The following ARMC2 variants were observed in gnomAD, a reference collection of about 807,000 sequenced individuals.
ARMC2 encodes armadillo repeat-containing protein 2.
A neutral mutation model predicts 90.3 loss-of-function variants in ARMC2; 67 were observed. The observed-to-expected ratio is 0.74, with a 90% CI of 0.61 to 0.91. The LOEUF (loss-of-function observed/expected upper bound fraction) is 0.91, where lower values mean the gene tolerates loss of function less well. Among genes scored for constraint, ARMC2 ranks in the 40% least tolerant of loss-of-function variants. The probability of loss-of-function intolerance (pLI) is 0.00; values close to 1 mark genes in which losing one functional copy is unlikely to be tolerated. For missense variants in ARMC2, 920 were observed against 1,030.9 expected (o/e 0.89, Z 1.47); for synonymous variants, 393 against 393.0 (o/e 1.00, Z 0.00).
intron 3 of ARMC2, among the ~76,000 whole-genome samples, chr6:108,859,842 T>C (rs1775030128): frequency 6.6e-6 from 1 of 152,090 alleles, no homozygotes; most frequent in South Asian, 2.1e-4. Context: ...CTGTCTCTAC[T>C]AAAAATACAA....
chr6:109,004,996 C>T, the ARMC2 span, among the ~76,000 whole-genome samples: 1 of 152,116 alleles, frequency 6.6e-6, no homozygotes, highest in Admixed American at 6.6e-5. Flanking sequence ...TTACTACAAC[C>T]GCTAGGAAGG....
chr6:108,894,682 C>A, intron 6 of ARMC2, 139 bp downstream of exon 6: 12 of 580,882 alleles, frequency 2.1e-5, no homozygotes, highest in East Asian at 8.7e-5. Flanking sequence ...TATTTTTATA[C>A]ATTTTTATTA....
At chr6:108,862,058 A>C (rs1775299019) in intron 3 of ARMC2, among the ~76,000 whole-genome samples, 1 of 152,160 alleles carries the variant, frequency 6.6e-6, no homozygotes, top group South Asian at 2.1e-4. Flanking sequence ...CAGTAAAAGT[A>C]GACGGCTAGG....
the ARMC2 span, among the ~76,000 whole-genome samples, chr6:108,984,926 A>C: frequency 3.9e-5 from 6 of 152,124 alleles, no homozygotes; most frequent in Non-Finnish European, 7.3e-5. Context: ...TAGAGTTCTC[A>C]CAAAGATATT....
At chr6:108,890,930 A>G (rs1016257206) in intron 5 of ARMC2, among the ~76,000 whole-genome samples, 1 of 29,982 alleles carries the variant, frequency 3.3e-5, no homozygotes, top group African/African-American at 1.3e-4. Flanking sequence ...GACAGGCCCC[A>G]GTGTGTGATG....
the ARMC2 span, chr6:108,998,481 T>G: frequency 6.2e-7 from 1 of 1,611,130 alleles, no homozygotes; most frequent in South Asian, 1.1e-5. Context: ...TGTGATTAGT[T>G]TTATGACAAT....
At chr6:108,907,726 G>A (rs1772930081) in intron 8 of ARMC2, 1 of 1,609,438 alleles carries the variant, frequency 6.2e-7, no homozygotes, top group African/African-American at 1.3e-5. Context: ...TCTTCACATT[G>A]ATGTACTTGT....
the ARMC2 span, among the ~76,000 whole-genome samples, chr6:108,979,508 C>G: frequency 1.3e-5 from 2 of 151,990 alleles, no homozygotes; most frequent in African/African-American, 4.8e-5. Context: ...TTGTGGTGCT[C>G]TCTGTATTTC....
chr6:108,973,837 T>C lies in ARMC2; in HGVS notation c.*323T>C, dbSNP rs3734651. 0.17 allele frequency: 35,724 copies of C among 212,114 alleles called. 3,401 individuals are homozygous for C. The highest frequency in any genetic ancestry group is 0.27 in the African/African-American group (11,858 of 43,394). The allele number at this position is 212,114 out of a possible 1,614,324, so 13.1% of individuals were successfully genotyped here. A position where few individuals can be genotyped will look rare whatever the true frequency, so the allele number is the denominator to read the frequency against. ...AAATCTTGATTTAACAATTTTGGAA[T>C]TGAAGTGTTCATAAGTTAAATGAAC... On this transcript the variant is annotated 3_prime_UTR_variant, in exon 18 of 18. Coordinates refer to ENST00000392644, the MANE Select transcript of ARMC2 (RefSeq NM_032131.6).
At chr6:108,979,998 T>A in the ARMC2 span, among the ~76,000 whole-genome samples, 1 of 152,036 alleles carries the variant, frequency 6.6e-6, no homozygotes, top group Admixed American at 6.5e-5. Context: ...TCTGTCAATT[T>A]GTCAAACTCA....
chr6:109,038,349 A>G, the ARMC2 span, among the ~76,000 whole-genome samples: 1 of 152,180 alleles, frequency 6.6e-6, no homozygotes, highest in African/African-American at 2.4e-5. Context: ...AAAATTAGCT[A>G]GGTGTGGTGG....
chr6:109,004,593 G>T, the ARMC2 span, among the ~76,000 whole-genome samples: 2 of 151,662 alleles, frequency 1.3e-5, no homozygotes, highest in Non-Finnish European at 2.9e-5. Context: ...GCCACACCTG[G>T]CTAATTTTTT....
chr6:108,998,935 T>C, the ARMC2 span: 2 of 559,804 alleles, frequency 3.6e-6, no homozygotes, highest in African/African-American at 1.9e-5. Flanking sequence ...CATTCACAAA[T>C]AGAACTTAAC....
At chr6:109,015,620 A>G in the ARMC2 span, among the ~76,000 whole-genome samples, 1 of 152,324 alleles carries the variant, frequency 6.6e-6, no homozygotes, top group South Asian at 2.1e-4. Flanking sequence ...ACTGAGTTAA[A>G]TAAGAAGGAA....
At chr6:108,886,561 A>ACT (rs1778127251) in intron 5 of ARMC2, among the ~76,000 whole-genome samples, 1 of 152,210 alleles carries the variant, frequency 6.6e-6, no homozygotes, top group East Asian at 1.9e-4. Context: ...ACAGAGCGAT[A>ACT]CTCGTCTCAC....
the ARMC2 span, among the ~76,000 whole-genome samples, chr6:108,990,166 G>T: frequency 1.3e-5 from 2 of 152,186 alleles, no homozygotes; most frequent in Non-Finnish European, 2.9e-5. Context: ...TAGTAACATG[G>T]CTGAAAACCT....
At chr6:108,857,608 T>C (rs1280705411) in intron 2 of ARMC2, among the ~76,000 whole-genome samples, 2 of 151,926 alleles carry the variant, frequency 1.3e-5, no homozygotes, top group Non-Finnish European at 2.9e-5. Flanking sequence ...AAAACTCTTA[T>C]CATAAAATAT....
chr6:108,918,825 A>G (rs1344049497), intron 10 of ARMC2, among the ~76,000 whole-genome samples: 2 of 152,274 alleles, frequency 1.3e-5, no homozygotes, highest in African/African-American at 2.4e-5. Context: ...GGCAAGGCAC[A>G]TAGTAGGCAC....
At chr6:108,965,882 G>A (rs1198187787) in intron 17 of ARMC2, among the ~76,000 whole-genome samples, 1 of 150,956 alleles carries the variant, frequency 6.6e-6, no homozygotes, top group Non-Finnish European at 1.5e-5. Context: ...CAACCTCCTG[G>A]GCTCAAGCGA....
Sources: allele counts gnomAD v4.1 joint callset (sites outside exome capture counted in the v4.1 genomes callset), GRCh38; gene constraint gnomAD v4.1.1; transcripts MANE v1.5; gene names NCBI Gene and HGNC (gene_info 2026-07-23, HGNC 2026-07-21).